EFCAB13: variants seen among roughly 807,000 people sequenced by gnomAD.
EFCAB13 encodes EF-hand calcium binding domain 13, also known as EF-hand calcium-binding domain-containing protein 13.
EFCAB13 carries 91 observed loss-of-function variants against 110.2 expected under a neutral mutation model. The ratio of observed to expected loss-of-function variants is 0.83; its 90% CI spans 0.70 to 0.98. The LOEUF (loss-of-function observed/expected upper bound fraction) is 0.98. EFCAB13 is among the 50% of genes least tolerant of loss of function. The pLI, the probability that EFCAB13 is intolerant of heterozygous loss-of-function variation, is 0.00. For synonymous variants in EFCAB13, 323 were observed against 369.9 expected (o/e 0.87, Z 1.45); for missense variants, 968 against 1,119.4 (o/e 0.86, Z 1.93).
intron 14 of EFCAB13, among the ~76,000 whole-genome samples, chr17:47,384,642 T>C (rs1424927548): frequency 6.6e-6 from 1 of 152,206 alleles, no homozygotes; most frequent in Admixed American, 6.5e-5. Context: ...AGAAAATTCT[T>C]TTCTTTAAGA....
chr17:47,344,371 C>G, intron 7 of EFCAB13, 79 bp downstream of exon 7: 1 of 1,478,764 alleles, frequency 6.8e-7, no homozygotes, highest in Non-Finnish European at 9.2e-7. Context: ...TTTATCCCTT[C>G]CACATAAAGA....
intron 3 of EFCAB13, 53 bp downstream of exon 3, chr17:47,326,440 T>A (rs1185147791): frequency 6.6e-6 from 1 of 152,168 alleles, no homozygotes; most frequent in East Asian, 1.9e-4. Context: ...TCTCCCTCTC[T>A]TTTCCCCTCC....
At chr17:47,438,485 A>G (rs965723005) in intron 24 of EFCAB13, among the ~76,000 whole-genome samples, 30 of 145,052 alleles carry the variant, frequency 2.1e-4, no homozygotes, top group African/African-American at 7.7e-4. Flanking sequence ...GGCTTTCTTC[A>G]TATAGTCTTA....
intron 9 of EFCAB13, among the ~76,000 whole-genome samples, chr17:47,349,087 T>C (rs1343161736): frequency 1.3e-5 from 2 of 152,200 alleles, no homozygotes; most frequent in Non-Finnish European, 2.9e-5. Flanking sequence ...CTCAAGTTGT[T>C]ACACTGAAGA....
chr17:47,392,427 GA>G (rs1420037347), intron 15 of EFCAB13, among the ~76,000 whole-genome samples: 2 of 151,990 alleles, frequency 1.3e-5, no homozygotes, highest in African/African-American at 2.4e-5. Context: ...CACTCTTGAA[GA>G]AGAACATTTG....
At chr17:47,351,303 G>GTGTGTGTGTGTGCGCGCGCA (rs1414624595) in intron 9 of EFCAB13, among the ~76,000 whole-genome samples, 3 of 101,382 alleles carry the variant, frequency 3.0e-5, no homozygotes, top group Non-Finnish European at 2.3e-5. Context: ...GTGTGTGTGT[G>GTGTGTGTGTGTGCGCGCGCA]TGCGCGCGCG....
Position 47,403,885 on chromosome 17 carries a change from G to A in EFCAB13, c.2025G>A (p.Gln675=), listed in dbSNP as rs2143449098. ...CTTTTTTTCTATTTATAGAGTTACAGGAAGTTGTCTTAGCTGCTGATTTGC... is the reference window on the plus strand; with the variant it reads ...CTTTTTTTCTATTTATAGAGTTACAAGAAGTTGTCTTAGCTGCTGATTTGC... ...MRDAARLEEL[Q]EVVLAADLLE... Residue 675 remains glutamine, a synonymous_variant, in exon 19 of 25, where the codon CAG becomes CAA. Coordinates refer to ENST00000331493, the MANE Select transcript of EFCAB13 (RefSeq NM_152347.5). 6.2e-7 allele frequency: 1 copy of A among 1,600,118 alleles called. No individual in the cohort carries two copies.
At chr17:47,364,041 T>C (rs1343230915) in intron 10 of EFCAB13, among the ~76,000 whole-genome samples, 3 of 152,252 alleles carry the variant, frequency 2.0e-5, no homozygotes, top group Non-Finnish European at 4.4e-5. Flanking sequence ...TATGGAGTTC[T>C]GGCCTGGGTC....
At chr17:47,424,304 G>A (rs1235573316) in intron 23 of EFCAB13, among the ~76,000 whole-genome samples, 7 of 152,248 alleles carry the variant, frequency 4.6e-5, no homozygotes, top group Non-Finnish European at 1.0e-4. Flanking sequence ...CGACGGCTCA[G>A]GTGCCGGACG....
At position 47,377,361 on chromosome 17, in the gene EFCAB13, C is replaced by T. The variant is rs148059370; in HGVS notation, c.1373-405C>T. 7.6e-4 allele frequency among the ~76,000 whole-genome samples: 115 copies of T among 152,202 alleles called. 1 individual carries two copies. In the East Asian group the frequency reaches 0.017, roughly 22 times the overall value. ...ATTTTTAGTAGAGACAGGGTTTCAC[C>T]ATGTTGGCCAGGCCGGTCTCAAACT... On this transcript the variant is annotated intron_variant, in intron 12 of 24. Transcript: ENST00000331493.
At chr17:47,434,672 C>CA (rs2033747091) in intron 24 of EFCAB13, among the ~76,000 whole-genome samples, 1 of 152,160 alleles carries the variant, frequency 6.6e-6, no homozygotes, top group African/African-American at 2.4e-5. Context: ...ATCAAAACAG[C>CA]ATGGTACTGT....
chr17:47,421,821 A>G (rs1904730607), intron 23 of EFCAB13, among the ~76,000 whole-genome samples: 1 of 152,170 alleles, frequency 6.6e-6, no homozygotes. Context: ...CTGAAGAATA[A>G]TTAGAAAATC....
chr17:47,371,083 T>C (rs1378660718), intron 11 of EFCAB13, among the ~76,000 whole-genome samples: 1 of 135,368 alleles, frequency 7.4e-6, no homozygotes, highest in Non-Finnish European at 1.6e-5. Context: ...TTTTTTTTTT[T>C]ACTGTTGTTT....
At chr17:47,395,716 A>G (rs1319258158) in intron 16 of EFCAB13, 118 bp from the exon 17 acceptor site, 2 of 689,308 alleles carry the variant, frequency 2.9e-6, no homozygotes, top group Non-Finnish European at 4.3e-6. Flanking sequence ...CATTTATGCT[A>G]TATTTATTAT....
intron 9 of EFCAB13, among the ~76,000 whole-genome samples, chr17:47,353,958 G>T (rs1393230849): frequency 1.3e-5 from 2 of 152,062 alleles, no homozygotes; most frequent in African/African-American, 2.4e-5. Context: ...GTACCTTGAG[G>T]TGTGACCTTA....
rs764721433 is a variant in EFCAB13, at chr17:47,394,028, CA to C, written c.1737del (p.Val580Ter). 29 of 1,532,626 alleles carry C rather than the reference CA, an allele frequency of 1.9e-5. No individual in the cohort carries two copies. Among genetic ancestry groups the C allele is most frequent in the Admixed American group, 8.7e-5 (4 of 46,142 alleles). The allele number at this position is 1,532,626 out of a possible 1,614,324, so 94.9% of individuals were successfully genotyped here. On this transcript the variant is annotated frameshift_variant, in exon 16 of 25. Transcript: ENST00000331493. LOFTEE classifies it high-confidence loss of function. ...AATGTGTTTCTTTTTCCTGTAGAAA[CA>C]AAAAAAGTGAATTTTAAAGAATTCA... is the stretch of plus-strand genomic sequence containing the variant. ...KITELTEAGETKKVNFKEFID... is the reference protein window; with the variant it reads ...KITELTEAGEXKKVNFKEFID...
intron 14 of EFCAB13, among the ~76,000 whole-genome samples, chr17:47,389,277 A>G (rs1316649385): frequency 5.9e-5 from 9 of 152,136 alleles, no homozygotes; most frequent in African/African-American, 1.9e-4. Flanking sequence ...GTATCAAGCA[A>G]TTCCCCGCTT....
chr17:47,384,973 G>A (rs1461965375), intron 14 of EFCAB13, among the ~76,000 whole-genome samples: 13 of 152,108 alleles, frequency 8.5e-5, no homozygotes, highest in Non-Finnish European at 1.3e-4. Context: ...GGGTTTCACC[G>A]TGTTAGCCAG....
rs770203388 is a variant in EFCAB13 at position 47,404,543 on chromosome 17, C to G, written c.2162-19C>G. 1.2e-6 allele frequency: 2 copies of G among 1,603,314 alleles called. No individual in the cohort carries two copies. The highest frequency in any genetic ancestry group is 1.7e-5 in the Admixed American group (1 of 59,144). On this transcript the variant is annotated intron_variant, in intron 19 of 24. Coordinates refer to ENST00000331493, the MANE Select transcript of EFCAB13 (RefSeq NM_152347.5). ...TTGTCTAGGGGTTCTTGTTTGTCAT[C>G]TCTCTCTTTTCCTTGCAGAAGATAA...
Sources: allele counts gnomAD v4.1 joint callset (sites outside exome capture counted in the v4.1 genomes callset), GRCh38; gene constraint gnomAD v4.1.1; transcripts MANE v1.5; gene names NCBI Gene and HGNC (gene_info 2026-07-23, HGNC 2026-07-21).